CTNNA3: variants seen among roughly 807,000 people sequenced by gnomAD.
CTNNA3 encodes the protein catenin alpha-3.
A neutral mutation model predicts 95.7 loss-of-function variants in CTNNA3; 76 were observed. The ratio of observed to expected loss-of-function variants is 0.79; its 90% CI spans 0.66 to 0.96. The LOEUF (loss-of-function observed/expected upper bound fraction) is 0.96, where lower values mean the gene tolerates loss of function less well. CTNNA3 is among the 40% of genes least tolerant of loss of function. CTNNA3 has a pLI of 0.00. For synonymous variants in CTNNA3, 431 were observed against 374.4 expected (o/e 1.15, Z -1.74); for missense variants, 1,191 against 1,089.8 (o/e 1.09, Z -1.31).
intron 5 of CTNNA3, among the ~76,000 whole-genome samples, chr10:67,294,960 G>A (rs1287942150): frequency 6.6e-6 from 1 of 152,150 alleles, no homozygotes; most frequent in Non-Finnish European, 1.5e-5. Context: ...TGTTACTTTA[G>A]CAGTATTGGT....
chr10:66,641,732 C>A (rs1036648455), intron 9 of CTNNA3, among the ~76,000 whole-genome samples: 1 of 152,058 alleles, frequency 6.6e-6, no homozygotes, highest in African/African-American at 2.4e-5. Context: ...AGGACCCCTG[C>A]CCTGGAATTG....
intron 7 of CTNNA3, among the ~76,000 whole-genome samples, chr10:67,146,015 G>A (rs902952820): frequency 1.3e-5 from 2 of 152,100 alleles, no homozygotes; most frequent in African/African-American, 2.4e-5. Context: ...TGTTCCAAGT[G>A]TGAATTACTG....
At chr10:67,134,412 T>A (rs1030993119) in intron 7 of CTNNA3, among the ~76,000 whole-genome samples, 7 of 152,110 alleles carry the variant, frequency 4.6e-5, no homozygotes, top group African/African-American at 1.2e-4. Flanking sequence ...AAAAAAGGAA[T>A]GTATATTACT....
At chr10:67,502,928 C>T (rs1839278882) in intron 5 of CTNNA3, among the ~76,000 whole-genome samples, 4 of 152,192 alleles carry the variant, frequency 2.6e-5, no homozygotes, top group Admixed American at 2.6e-4. Context: ...ATCCGCTGAG[C>T]TACACCACTT....
At chr10:66,206,081 A>T (rs1589728010) in intron 13 of CTNNA3, among the ~76,000 whole-genome samples, 1 of 152,018 alleles carries the variant, frequency 6.6e-6, no homozygotes, top group South Asian at 2.1e-4. Flanking sequence ...TTGTTACATA[A>T]ATATTACTTA....
intron 3 of CTNNA3, among the ~76,000 whole-genome samples, chr10:67,546,859 A>G (rs1385113429): frequency 6.6e-6 from 1 of 152,204 alleles, no homozygotes. Flanking sequence ...AAGCTTAGCC[A>G]TGAATACACT....
At chr10:67,156,087 G>A (rs1008246592) in intron 7 of CTNNA3, among the ~76,000 whole-genome samples, 7 of 152,008 alleles carry the variant, frequency 4.6e-5, no homozygotes, top group Non-Finnish European at 8.8e-5. Context: ...GTGTAGAATT[G>A]TTCACAGTAG....
chr10:67,627,408 G>C lies in CTNNA3; in HGVS notation c.99+20007C>G, dbSNP rs142563629. ...GGGACCTGTGTCCAGTATCTCAAAG[G>C]CCTTAGTTAAGATAAAATTAGCTGA... On this transcript the variant is annotated intron_variant, in intron 2 of 17. Coordinates refer to ENST00000433211, the MANE Select transcript of CTNNA3 (RefSeq NM_013266.4). Among the ~76,000 whole-genome samples, 981 of 152,188 alleles carry C rather than the reference G, an allele frequency of 6.4e-3. 7 individuals are homozygous for C. Among genetic ancestry groups the C allele is most frequent in the African/African-American group, 0.023 (942 of 41,520 alleles).
chr10:66,877,960 T>C (rs1844688752), intron 7 of CTNNA3, among the ~76,000 whole-genome samples: 1 of 152,152 alleles, frequency 6.6e-6, no homozygotes, highest in South Asian at 2.1e-4. Context: ...ACTAGTGCTT[T>C]GTATAATTTA....
rs1445345178 is a variant in CTNNA3, at chr10:67,158,113, G to A, written c.1047+22204C>T. The stretch of plus-strand genomic sequence containing the variant: ...ACATAGAGCCTACACTAAGCTGCCT[G>A]ACCAGTGGACAGGTAGTTGTGTTAC... On this transcript the variant is annotated intron_variant, in intron 7 of 17. Coordinates refer to ENST00000433211, the MANE Select transcript of CTNNA3 (RefSeq NM_013266.4). 4.6e-5 allele frequency among the ~76,000 whole-genome samples: 7 copies of A among 151,952 alleles called. 1 individual carries two copies. The East Asian group carries it at 9.7e-4, about 21-fold the overall frequency.
At chr10:67,621,969 C>T (rs549457328) in intron 2 of CTNNA3, among the ~76,000 whole-genome samples, 30 of 152,266 alleles carry the variant, frequency 2.0e-4, no homozygotes, top group South Asian at 6.2e-4. Context: ...GCAATAGAGA[C>T]GCTATGGTCC....
At chr10:66,739,091 G>A (rs1849243262) in intron 9 of CTNNA3, among the ~76,000 whole-genome samples, 1 of 152,148 alleles carries the variant, frequency 6.6e-6, no homozygotes, top group Non-Finnish European at 1.5e-5. Flanking sequence ...GATATATACA[G>A]AGATTATAAA....
At chr10:67,236,013 A>T (rs1429066004) in intron 5 of CTNNA3, among the ~76,000 whole-genome samples, 3 of 146,690 alleles carry the variant, frequency 2.0e-5, no homozygotes, top group African/African-American at 7.8e-5. Context: ...AGGAAACAAC[A>T]GGTGCTGGAG....
intron 12 of CTNNA3, among the ~76,000 whole-genome samples, chr10:66,330,614 T>C (rs1222970240): frequency 2.0e-5 from 3 of 152,044 alleles, no homozygotes; most frequent in Non-Finnish European, 4.4e-5. Context: ...TCAAATGGTA[T>C]TTCTAGTTCT....
chr10:67,060,060 A>AGTCCCAGCACTTTGGG (rs1855672466), intron 7 of CTNNA3, among the ~76,000 whole-genome samples: 1 of 152,154 alleles, frequency 6.6e-6, no homozygotes, highest in East Asian at 1.9e-4. Flanking sequence ...TCACACCTGT[A>AGTCCCAGCACTTTGGG]ATCCCAGCAC....
chr10:67,150,256 C>T (rs1861030110), intron 7 of CTNNA3, among the ~76,000 whole-genome samples: 1 of 152,064 alleles, frequency 6.6e-6, no homozygotes, highest in South Asian at 2.1e-4. Context: ...TTTTGATTTG[C>T]AAACATCACA....
At chr10:67,646,915 G>T (rs1008587534) in intron 2 of CTNNA3, among the ~76,000 whole-genome samples, 21 of 151,964 alleles carry the variant, frequency 1.4e-4, no homozygotes, top group Non-Finnish European at 2.9e-5. Flanking sequence ...CCTTATGAAA[G>T]ACTTCATCAC....
intron 16 of CTNNA3, among the ~76,000 whole-genome samples, chr10:65,969,712 A>G (rs1449311446): frequency 6.6e-6 from 1 of 152,128 alleles, no homozygotes; most frequent in African/African-American, 2.4e-5. Flanking sequence ...ACCCAGTCGG[A>G]AAAAAATAAA....
intron 1 of CTNNA3, among the ~76,000 whole-genome samples, chr10:67,731,556 A>C (rs554506798): frequency 2.0e-5 from 3 of 152,056 alleles, no homozygotes; most frequent in Non-Finnish European, 2.9e-5. Context: ...TAATCCCAGC[A>C]CTTTGGGAGG....
Sources: gnomAD v4.1 joint callset for allele counts (sites outside exome capture counted in the v4.1 genomes callset) on GRCh38, gnomAD v4.1.1 for gene constraint, MANE v1.5 for transcripts, NCBI Gene and HGNC (gene_info 2026-07-23, HGNC 2026-07-21) for gene names.